The following CAMTA1 variants were observed in gnomAD, a reference collection of about 807,000 sequenced individuals.
The protein encoded by CAMTA1 is calmodulin-binding transcription activator 1.
CAMTA1 carries 27 observed loss-of-function variants against 170.9 expected under a neutral mutation model. That is an observed-to-expected ratio of 0.16 (90% CI 0.12 to 0.22). CAMTA1 has a LOEUF of 0.22. CAMTA1 is among the 10% of genes least tolerant of loss of function. CAMTA1 has a pLI of 1.00. For synonymous variants in CAMTA1, 833 were observed against 891.5 expected, an observed-to-expected ratio of 0.93 and a Z score of 1.17; for missense variants, 1,619 against 2,217.2, an observed-to-expected ratio of 0.73 and a Z score of 5.42.
intron 3 of CAMTA1, among the ~76,000 whole-genome samples, chr1:7,031,428 G>GCCCA (rs1328864140): frequency 6.6e-6 from 1 of 152,058 alleles, no homozygotes; most frequent in African/African-American, 2.4e-5. Context: ...GTGTTGCAAT[G>GCCCA]GTATATCTTC....
At chr1:6,846,604 T>C (rs911456770) in intron 3 of CAMTA1, among the ~76,000 whole-genome samples, 5 of 152,220 alleles carry the variant, frequency 3.3e-5, no homozygotes, top group Non-Finnish European at 7.3e-5. Flanking sequence ...TTGTCAACTT[T>C]TTAACTAAAA....
chr1:7,745,957 T>G lies in CAMTA1; in HGVS notation c.4483T>G (p.Trp1495Gly). Reference protein sequence around the residue: ...EKPNLPSAADWSEFLSASTSE... With the variant: ...EKPNLPSAADGSEFLSASTSE... Reference sequence around the variant, plus strand: ...ACCTAACCTTCCCTCCGCCGCGGATTGGTCAGAATTCCTGAGTGCATCTAC... The same window carrying G: ...ACCTAACCTTCCCTCCGCCGCGGATGGGTCAGAATTCCTGAGTGCATCTAC... Residue 1495 changes from tryptophan (W) to glycine (G), a missense_variant, in exon 18 of 23, where the codon TGG becomes GGG. Around this residue, in one of 8 missense-constraint regions of CAMTA1, gnomAD observed 370 missense variants for 429.4 expected, o/e 0.86. Coordinates refer to ENST00000303635, the MANE Select transcript of CAMTA1 (RefSeq NM_015215.4). The G allele has an allele frequency of 6.2e-7, 1 of 1,614,214 alleles. No individual in the cohort carries two copies. Among genetic ancestry groups the G allele is most frequent in the Non-Finnish European group, 8.5e-7 (1 of 1,180,036 alleles).
At chr1:6,940,952 G>GAA (rs1557861721) in intron 3 of CAMTA1, among the ~76,000 whole-genome samples, 1 of 149,228 alleles carries the variant, frequency 6.7e-6, no homozygotes, top group Non-Finnish European at 1.5e-5. Context: ...AGGGGGAGGG[G>GAA]GGATCCTTGC....
In CAMTA1 at chr1:7,087,579, G is replaced by A. The variant is rs12047374; in HGVS notation, c.235-3725G>A. On this transcript the variant is annotated intron_variant, in intron 3 of 22. Transcript: ENST00000303635. ...GTCCCTTCTGAAATTCAGAGCAGTG[G>A]TGCAGAATGTGAGCCTTGGAGCCAT... Among the ~76,000 whole-genome samples, 8 of 152,324 alleles carry A rather than the reference G, an allele frequency of 5.3e-5. No homozygotes were observed. In the East Asian group the frequency reaches 1.5e-3, roughly 29 times the overall value.
intron 6 of CAMTA1, among the ~76,000 whole-genome samples, chr1:7,507,837 C>G (rs368561993): frequency 6.6e-6 from 1 of 152,228 alleles, no homozygotes; most frequent in African/African-American, 2.4e-5. Flanking sequence ...TCCTAACAAG[C>G]CTCCACCCCA....
intron 9 of CAMTA1, among the ~76,000 whole-genome samples, chr1:7,668,388 AACACACACACACACACACACACACAC>A (rs779206499): frequency 4.9e-5 from 5 of 101,476 alleles, no homozygotes; most frequent in South Asian, 3.5e-4. Flanking sequence ...GCTGGTCACC[AACACACACACACACACACACACACAC>A]ACACACACAC....
rs114749062 is a variant in CAMTA1, at chr1:7,216,118, G to A, written c.303-33373G>A. On this transcript the variant is annotated intron_variant, in intron 4 of 22. Coordinates refer to ENST00000303635, the MANE Select transcript of CAMTA1 (RefSeq NM_015215.4). This position sits in a 1 kb window ranked among gnomAD's most constrained non-coding sequence, Gnocchi z 4.0. ...AATCATGGCAGAAGGCGAAGGGGAA[G>A]CCCGCGTGTCCTGCGTGGCTGGAGC... Among the ~76,000 whole-genome samples the A allele has an allele frequency of 0.022, 3,425 of 152,294 alleles. 122 individuals are homozygous for A. Among genetic ancestry groups the A allele is most frequent in the African/African-American group, 0.077 (3,201 of 41,562 alleles).
intron 6 of CAMTA1, among the ~76,000 whole-genome samples, chr1:7,542,930 T>A (rs1296988905): frequency 6.6e-6 from 1 of 150,562 alleles, no homozygotes; most frequent in African/African-American, 2.4e-5. Context: ...AGTGGCGCGA[T>A]CTCGGCTCAC....
chr1:7,008,034 C>T (rs1015161777), intron 3 of CAMTA1, among the ~76,000 whole-genome samples: 39 of 152,242 alleles, frequency 2.6e-4, no homozygotes, highest in African/African-American at 8.4e-4. Flanking sequence ...GAGTCCCACC[C>T]CAGCCTGCGT....
chr1:7,752,308 A>C, intron 20 of CAMTA1, 151 bp from the exon 21 acceptor site: 1 of 692,356 alleles, frequency 1.4e-6, no homozygotes, highest in Non-Finnish European at 2.6e-6. Context: ...ATACGCACTC[A>C]TCCCCCTTCA....
intron 6 of CAMTA1, among the ~76,000 whole-genome samples, chr1:7,615,609 T>C (rs1266491089): frequency 6.6e-6 from 1 of 152,250 alleles, no homozygotes; most frequent in Non-Finnish European, 1.5e-5. Flanking sequence ...TTGTACAGAT[T>C]CTCTCTTTTT....
At chr1:7,630,664 G>C (rs902308146) in intron 6 of CAMTA1, among the ~76,000 whole-genome samples, 2 of 152,228 alleles carry the variant, frequency 1.3e-5, no homozygotes, top group African/African-American at 4.8e-5. Context: ...TGGCGCACAG[G>C]CTTGCGTAAT....
At position 7,463,307 on chromosome 1, in the gene CAMTA1, G is replaced by A. The variant is rs1273943982; in HGVS notation, c.439-4523G>A. Among the ~76,000 whole-genome samples, 1 of 152,180 alleles carries A rather than the reference G, an allele frequency of 6.6e-6. No homozygotes were observed. The highest frequency in any genetic ancestry group is 1.5e-5 in the Non-Finnish European group (1 of 68,030). ...GGAGGGTGTGTGTGTGTCAGACACAGAGACAGGGACAGGCAAGGGAAACAG... is the reference window on the plus strand; with the variant it reads ...GGAGGGTGTGTGTGTGTCAGACACAAAGACAGGGACAGGCAAGGGAAACAG... On this transcript the variant is annotated intron_variant, in intron 5 of 22. Coordinates refer to ENST00000303635, the MANE Select transcript of CAMTA1 (RefSeq NM_015215.4). The surrounding 1 kb of genome is among the most constrained non-coding windows in gnomAD (Gnocchi z 4.7).
At chr1:7,339,954 G>A (rs1175447866) in intron 5 of CAMTA1, among the ~76,000 whole-genome samples, 2 of 152,136 alleles carry the variant, frequency 1.3e-5, no homozygotes, top group African/African-American at 4.8e-5. Flanking sequence ...AGCAGACATA[G>A]TGGGAAACAG....
At chr1:7,121,263 A>G (rs1422842500) in intron 4 of CAMTA1, among the ~76,000 whole-genome samples, 1 of 152,232 alleles carries the variant, frequency 6.6e-6, no homozygotes, top group Non-Finnish European at 1.5e-5. Flanking sequence ...CTGAAAGAAC[A>G]TGAGCTATGT....
intron 4 of CAMTA1, among the ~76,000 whole-genome samples, chr1:7,241,869 T>C (rs1421848460): frequency 1.3e-5 from 2 of 152,160 alleles, no homozygotes; most frequent in Non-Finnish European, 2.9e-5. Context: ...ACATAAGACA[T>C]GTTTATTACC....
intron 3 of CAMTA1, among the ~76,000 whole-genome samples, chr1:7,068,842 G>A (rs1196622513): frequency 1.1e-4 from 17 of 152,236 alleles, no homozygotes; most frequent in Non-Finnish European, 7.4e-5. Flanking sequence ...CTTATTACAT[G>A]CTAGCACTTA....
At chr1:7,696,539 G>A (rs1239322625) in intron 11 of CAMTA1, among the ~76,000 whole-genome samples, 12 of 150,348 alleles carry the variant, frequency 8.0e-5, no homozygotes, top group Non-Finnish European at 1.8e-4. Context: ...TTATAAGAAA[G>A]CCACACCATG....
chr1:6,943,130 G>A (rs1686946525), intron 3 of CAMTA1, among the ~76,000 whole-genome samples: 1 of 151,936 alleles, frequency 6.6e-6, no homozygotes, highest in Non-Finnish European at 1.5e-5. Flanking sequence ...TTATCTCGTG[G>A]GACCCCATTA....
Sources: allele counts gnomAD v4.1 joint callset (sites outside exome capture counted in the v4.1 genomes callset), GRCh38; gene constraint gnomAD v4.1.1; regional missense constraint gnomAD v4.1.1; non-coding constraint Gnocchi (gnomAD v3.1); transcripts MANE v1.5; gene names NCBI Gene and HGNC (gene_info 2026-07-23, HGNC 2026-07-21).